Variants in LNPK observed in about 807,000 individuals in gnomAD.
The protein encoded by LNPK is lunapark, ER junction formation factor, also known as endoplasmic reticulum junction formation protein lunapark.
Under a neutral mutation model 55.2 loss-of-function variants are expected in LNPK, and 29 were observed. That is an observed-to-expected ratio of 0.53 (90% CI 0.39 to 0.72). The LOEUF (loss-of-function observed/expected upper bound fraction) is 0.72, where lower values mean the gene tolerates loss of function less well. LNPK is among the 30% of genes least tolerant of loss of function. LNPK has a pLI of 0.00. For synonymous variants in LNPK, 162 were observed against 168.2 expected, an observed-to-expected ratio of 0.96 and a Z score of 0.29; for missense variants, 467 against 494.8, an observed-to-expected ratio of 0.94 and a Z score of 0.53.
chr2:175,952,743 A>C (rs905394031), intron 8 of LNPK, among the ~76,000 whole-genome samples: 1 of 151,956 alleles, frequency 6.6e-6, no homozygotes, highest in Non-Finnish European at 1.5e-5. Flanking sequence ...AACCCAACTC[A>C]ATCTGGTTTT....
At chr2:175,977,825 TG>T (rs1686982797) in intron 5 of LNPK, among the ~76,000 whole-genome samples, 2 of 152,228 alleles carry the variant, frequency 1.3e-5, no homozygotes, top group Middle Eastern at 3.4e-3. Flanking sequence ...TTAAAGGAAA[TG>T]TAGGGTTAGG....
chr2:175,973,428 T>G (rs1424567600), intron 5 of LNPK, among the ~76,000 whole-genome samples: 1 of 152,194 alleles, frequency 6.6e-6, no homozygotes, highest in African/African-American at 2.4e-5. Flanking sequence ...AATGACAAAT[T>G]CAAGTATGTT....
chr2:175,987,245 T>C (rs1432993800), intron 4 of LNPK, among the ~76,000 whole-genome samples: 3 of 152,170 alleles, frequency 2.0e-5, no homozygotes, highest in Non-Finnish European at 4.4e-5. Context: ...GTGGCACTAT[T>C]CACAATAGCA....
At chr2:175,937,678 T>G in intron 11 of LNPK, 164 bp from the exon 12 acceptor site, 6 of 494,866 alleles carry the variant, frequency 1.2e-5, no homozygotes, top group Non-Finnish European at 2.1e-5. Context: ...TAAACAGAAC[T>G]AAAGCATACT....
In LNPK at chr2:175,928,136, A is replaced by G. The variant is rs1684089848; in HGVS notation, c.*1831T>C. 6.6e-6 allele frequency: 1 copy of G among 152,188 alleles called. No homozygotes were observed. Among genetic ancestry groups the G allele is most frequent in the Non-Finnish European group, 1.5e-5 (1 of 68,026 alleles). The allele number at this position is 152,188 out of a possible 1,614,324, so 9.4% of individuals were successfully genotyped here. ...TTAATCTATGTATTTATATACATAC[A>G]TACAATATAGAAAAGTTGATGCAAA... On this transcript the variant is annotated 3_prime_UTR_variant, in exon 13 of 13. Coordinates refer to ENST00000272748, the MANE Select transcript of LNPK (RefSeq NM_030650.3).
chr2:175,967,925 T>C (rs1686451126), intron 6 of LNPK, among the ~76,000 whole-genome samples: 1 of 152,182 alleles, frequency 6.6e-6, no homozygotes, highest in Non-Finnish European at 1.5e-5. Context: ...AAATTGCCAA[T>C]TTAAAGACTT....
At chr2:175,939,128 G>C (rs1330886700) in intron 10 of LNPK, among the ~76,000 whole-genome samples, 2 of 151,864 alleles carry the variant, frequency 1.3e-5, no homozygotes, top group Non-Finnish European at 2.9e-5. Context: ...GATCTTCCTA[G>C]AGTTATTTTA....
Position 175,992,355 on chromosome 2 carries a change from T to G in LNPK, c.133A>C (p.Arg45=), listed in dbSNP as rs935908849. The change falls in exon 4 of 13, where the codon AGA becomes CGA. Residue 45 remains arginine, a synonymous_variant. Transcript: ENST00000272748. The part of the protein sequence containing the change: ...NQRLQKLWVG[R]LILYSSVLYL... ...AGAACTGAGGAATACAGAATTAATC[T>G]TCCAACCCATAATTTTTGTAATCTC... 2.0e-6 allele frequency: 3 copies of G among 1,536,204 alleles called. No individual in the cohort carries two copies. The highest frequency in any genetic ancestry group is 4.4e-5 in the Admixed American group (2 of 45,822).
At chr2:175,945,314 G>T (rs1054789704) in intron 9 of LNPK, among the ~76,000 whole-genome samples, 4 of 150,670 alleles carry the variant, frequency 2.7e-5, no homozygotes, top group African/African-American at 9.7e-5. Context: ...GTCTGAGAAC[G>T]GCCTGGCCAA....
chr2:175,990,657 A>G (rs914904072), intron 4 of LNPK, among the ~76,000 whole-genome samples: 2 of 152,104 alleles, frequency 1.3e-5, no homozygotes, highest in African/African-American at 4.8e-5. Context: ...TTACCACAAC[A>G]TCCACTTTCA....
chr2:175,929,387 C>A lies in LNPK; in HGVS notation c.*580G>T, dbSNP rs558786997. On this transcript the variant is annotated 3_prime_UTR_variant, in exon 13 of 13. Coordinates refer to ENST00000272748, the MANE Select transcript of LNPK (RefSeq NM_030650.3). ...CACTGAGAATTCGTACCAGTGCCAA[C>A]GTAGTTACAGTTCTACTTAACTGTT... 1.0e-6 allele frequency: 1 copy of A among 985,498 alleles called. No individual in the cohort carries two copies. The highest frequency in any genetic ancestry group is 1.7e-5 in the African/African-American group (1 of 57,322). 61.0% of individuals were successfully genotyped at this position (985,498 alleles called of 1,614,324 possible).
Position 175,930,050 on chromosome 2 carries a change from C to CT in LNPK, c.1203dup (p.Val402SerfsTer3). 6.2e-7 allele frequency: 1 copy of CT among 1,614,092 alleles called. No individual in the cohort carries two copies. The highest frequency in any genetic ancestry group is 8.5e-7 in the Non-Finnish European group (1 of 1,179,966). On this transcript the variant is annotated frameshift_variant, in exon 13 of 13. Coordinates refer to ENST00000272748, the MANE Select transcript of LNPK (RefSeq NM_030650.3). LOFTEE classifies it high-confidence loss of function. ...GGAACTGTGGAGTTGGTTTCAATCA[C>CT]TGAGGCTTCCTCATTCTCAGTCTCT...
At chr2:175,993,820 A>G (rs1296304711) in intron 2 of LNPK, among the ~76,000 whole-genome samples, 1 of 152,132 alleles carries the variant, frequency 6.6e-6, no homozygotes, top group Non-Finnish European at 1.5e-5. Context: ...AAATTAAAAA[A>G]TTTAAAAAAC....
In LNPK at chr2:175,982,055, A is replaced by G. The variant is rs1019069193; in HGVS notation, c.258-2187T>C. Among the ~76,000 whole-genome samples, 15 of 152,320 alleles carry G rather than the reference A, an allele frequency of 9.8e-5. 1 individual carries two copies. The highest frequency in any genetic ancestry group is 3.6e-4 in the African/African-American group (15 of 41,570). On this transcript the variant is annotated intron_variant, in intron 4 of 12. Coordinates refer to ENST00000272748, the MANE Select transcript of LNPK (RefSeq NM_030650.3). ...GGACAATTACCTAAAAGTACAAAAA[A>G]CACCAGGCTTTGTCCTTACCAAGGG...
intron 12 of LNPK, among the ~76,000 whole-genome samples, chr2:175,936,689 T>G (rs1025501811): frequency 1.3e-5 from 2 of 152,126 alleles, no homozygotes; most frequent in African/African-American, 4.8e-5. Context: ...CATTTTTTCA[T>G]GAAACTTCCT....
chr2:175,977,265 GC>G (rs1686952549), intron 5 of LNPK, among the ~76,000 whole-genome samples: 1 of 152,120 alleles, frequency 6.6e-6, no homozygotes, highest in Admixed American at 6.5e-5. Flanking sequence ...ATTAATAATA[GC>G]CAGGAGCCAC....
At position 175,964,378 on chromosome 2, in the gene LNPK, C is replaced by T. The variant is rs1362840942; in HGVS notation, c.487G>A (p.Gly163Arg). The change falls in exon 8 of 13, where the codon GGA (glycine) becomes AGA (arginine). Residue 163 changes from glycine (G) to arginine (R), a missense_variant. Coordinates refer to ENST00000272748, the MANE Select transcript of LNPK (RefSeq NM_030650.3). ...SAGAAVTARPGQEIRQRTAAQ... is the reference protein window; with the variant it reads ...SAGAAVTARPRQEIRQRTAAQ... ...TTTCTACTAAGTTATTTACCTTGTCCAGGTCTTGCAGTTACAGCTGCTCCA... is the reference window on the plus strand; with the variant it reads ...TTTCTACTAAGTTATTTACCTTGTCTAGGTCTTGCAGTTACAGCTGCTCCA... 2 of 1,612,894 alleles carry T rather than the reference C, an allele frequency of 1.2e-6. No homozygotes were observed. Among genetic ancestry groups the T allele is most frequent in the South Asian group, 1.1e-5 (1 of 91,036 alleles).
intron 8 of LNPK, among the ~76,000 whole-genome samples, chr2:175,961,487 C>T (rs577760695): frequency 2.3e-4 from 35 of 152,146 alleles, no homozygotes; most frequent in South Asian, 6.2e-4. Flanking sequence ...AAAAGGCCTT[C>T]GACAAAATTC....
At chr2:175,935,299 T>TAC (rs1465248977) in intron 12 of LNPK, among the ~76,000 whole-genome samples, 3 of 152,176 alleles carry the variant, frequency 2.0e-5, no homozygotes, top group Admixed American at 6.5e-5. Context: ...CTCAAGTATC[T>TAC]ACATCATTTA....
Sources: gnomAD v4.1 joint callset for allele counts (sites outside exome capture counted in the v4.1 genomes callset) on GRCh38, gnomAD v4.1.1 for gene constraint, MANE v1.5 for transcripts, NCBI Gene and HGNC (gene_info 2026-07-23, HGNC 2026-07-21) for gene names.